PIP4K2A: variants seen among roughly 807,000 people sequenced by gnomAD.
PIP4K2A encodes phosphatidylinositol-5-phosphate 4-kinase type 2 alpha.
A neutral mutation model predicts 42.9 loss-of-function variants in PIP4K2A; 14 were observed. The observed-to-expected ratio is 0.33, with a 90% CI of 0.22 to 0.51. PIP4K2A has a LOEUF of 0.51. PIP4K2A is among the 20% of genes least tolerant of loss of function. The pLI, the probability that PIP4K2A is intolerant of heterozygous loss-of-function variation, is 0.97. For missense variants in PIP4K2A, 434 were observed against 519.8 expected, an observed-to-expected ratio of 0.83 and a Z score of 1.61; for synonymous variants, 192 against 192.2, an observed-to-expected ratio of 1.00 and a Z score of 0.01.
chr10:22,547,899 C>T (rs145581295), intron 7 of PIP4K2A, among the ~76,000 whole-genome samples: 45 of 152,282 alleles, frequency 3.0e-4, no homozygotes, highest in African/African-American at 1.0e-3. Context: ...AACAGGGCTG[C>T]TGTTACAGAA....
rs10681238 is a variant in PIP4K2A at position 22,596,205 on chromosome 10, C to CAAAAAAAAAAAAAAAAAAAA, written c.340-4444_340-4425dup. 4.4e-4 allele frequency among the ~76,000 whole-genome samples: 31 copies of CAAAAAAAAAAAAAAAAAAAA among 69,664 alleles called. 3 individuals are homozygous for CAAAAAAAAAAAAAAAAAAAA. The highest frequency in any genetic ancestry group is 1.8e-3 in the African/African-American group (28 of 15,802). The allele number at this position is 69,664 out of a possible 152,430, so 45.7% of individuals were successfully genotyped here. A position where few individuals can be genotyped will look rare whatever the true frequency, so the allele number is the denominator to read the frequency against. The stretch of plus-strand genomic sequence containing the variant: ...GGGCAACAAGAGCAAAACTCCGTCT[C>CAAAAAAAAAAAAAAAAAAAA]AAAAAAAAAAAAAAAAAAAAGGATT... On this transcript the variant is annotated intron_variant, in intron 3 of 9. Coordinates refer to ENST00000376573, the MANE Select transcript of PIP4K2A (RefSeq NM_005028.5).
At chr10:22,665,238 T>A (rs1839324008) in intron 1 of PIP4K2A, among the ~76,000 whole-genome samples, 1 of 152,210 alleles carries the variant, frequency 6.6e-6, no homozygotes, top group African/African-American at 2.4e-5. Context: ...GTATGTGTGA[T>A]GACAAAAGCA....
At chr10:22,609,574 T>C (rs1281528137) in intron 2 of PIP4K2A, 46 bp downstream of exon 2, 1 of 1,062,560 alleles carries the variant, frequency 9.4e-7, no homozygotes, top group African/African-American at 1.6e-5. Context: ...AAACTTGTAC[T>C]CCTAGCAGCC....
chr10:22,706,881 C>A (rs1718506730), intron 1 of PIP4K2A, among the ~76,000 whole-genome samples: 1 of 152,058 alleles, frequency 6.6e-6, no homozygotes, highest in African/African-American at 2.4e-5. Context: ...CAAAAATACA[C>A]AAGGATGCCA....
chr10:22,617,216 A>T (rs1393247594), intron 1 of PIP4K2A, among the ~76,000 whole-genome samples: 1 of 152,210 alleles, frequency 6.6e-6, no homozygotes, highest in African/African-American at 2.4e-5. Flanking sequence ...TGCAGATGTA[A>T]GACTAAATTC....
rs568789732 is a variant in PIP4K2A, at chr10:22,565,428, A to G, written c.678+2423T>C. On this transcript the variant is annotated intron_variant, in intron 6 of 9. Coordinates refer to ENST00000376573, the MANE Select transcript of PIP4K2A (RefSeq NM_005028.5). ...ATTTCTTATGCCTGTCTTTACTGCAATCTCTCAACATAAATTGTAAAGATT... is the reference window on the plus strand; with the variant it reads ...ATTTCTTATGCCTGTCTTTACTGCAGTCTCTCAACATAAATTGTAAAGATT... Among the ~76,000 whole-genome samples, 12 of 152,294 alleles carry G rather than the reference A, an allele frequency of 7.9e-5. No homozygotes were observed. In the East Asian group the frequency reaches 1.2e-3, roughly 15 times the overall value.
chr10:22,576,176 T>C (rs1394567895), intron 4 of PIP4K2A, among the ~76,000 whole-genome samples: 5 of 152,144 alleles, frequency 3.3e-5, no homozygotes, highest in African/African-American at 1.2e-4. Flanking sequence ...AATTTTGCAG[T>C]AGAGAAAATT....
intron 1 of PIP4K2A, among the ~76,000 whole-genome samples, chr10:22,704,924 C>T (rs2130922196): frequency 6.6e-6 from 1 of 152,188 alleles, no homozygotes; most frequent in South Asian, 2.1e-4. Context: ...ATTTAAATTG[C>T]CATATATAGC....
chr10:22,623,952 G>A (rs1222393675), intron 1 of PIP4K2A, among the ~76,000 whole-genome samples: 1 of 152,146 alleles, frequency 6.6e-6, no homozygotes, highest in African/African-American at 2.4e-5. Flanking sequence ...AAATGACTGG[G>A]AAGACTTTAT....
intron 1 of PIP4K2A, among the ~76,000 whole-genome samples, chr10:22,616,055 G>A (rs1838171112): frequency 6.6e-6 from 1 of 152,132 alleles, no homozygotes. Flanking sequence ...GCCCATGCTG[G>A]GGCTCCAAAG....
chr10:22,592,141 T>A (rs967238587), intron 3 of PIP4K2A, among the ~76,000 whole-genome samples: 1 of 152,222 alleles, frequency 6.6e-6, no homozygotes, highest in Admixed American at 6.5e-5. Context: ...AATTTTACAG[T>A]CACTGAGCAT....
rs1403760493 is a variant in PIP4K2A at position 22,567,794 on chromosome 10, T to C, written c.678+57A>G. Reference sequence around the variant, plus strand: ...GACTAGAAATAAAGAGTAAAGGTGATTGGGAGTATGTGATCATGCCCCCAG... The same window carrying C: ...GACTAGAAATAAAGAGTAAAGGTGACTGGGAGTATGTGATCATGCCCCCAG... On this transcript the variant is annotated intron_variant, in intron 6 of 9. Coordinates refer to ENST00000376573, the MANE Select transcript of PIP4K2A (RefSeq NM_005028.5). 19 of 1,366,296 alleles carry C rather than the reference T, an allele frequency of 1.4e-5. 1 individual carries two copies. The highest frequency in any genetic ancestry group is 4.6e-5 in the East Asian group (2 of 43,794). The allele number at this position is 1,366,296 out of a possible 1,614,324, so 84.6% of individuals were successfully genotyped here. A position where few individuals can be genotyped will look rare whatever the true frequency, so the allele number is the denominator to read the frequency against.
intron 1 of PIP4K2A, among the ~76,000 whole-genome samples, chr10:22,690,949 T>C (rs1839855646): frequency 6.6e-6 from 1 of 152,158 alleles, no homozygotes; most frequent in African/African-American, 2.4e-5. Context: ...TGAGCAAACA[T>C]TTCTACCACC....
chr10:22,553,682 C>G (rs910866340), intron 6 of PIP4K2A, among the ~76,000 whole-genome samples: 1 of 151,412 alleles, frequency 6.6e-6, no homozygotes, highest in East Asian at 2.0e-4. Flanking sequence ...GTGACAGATT[C>G]AAATAGTGGT....
chr10:22,589,466 GATTT>G (rs1417945137), intron 4 of PIP4K2A, among the ~76,000 whole-genome samples: 7 of 152,114 alleles, frequency 4.6e-5, no homozygotes, highest in African/African-American at 1.4e-4. Context: ...TATTATAAAA[GATTT>G]ATTAGATATT....
At chr10:22,544,618 T>C (rs1350123012) in intron 7 of PIP4K2A, among the ~76,000 whole-genome samples, 2 of 152,186 alleles carry the variant, frequency 1.3e-5, no homozygotes, top group African/African-American at 4.8e-5. Flanking sequence ...TGTGAAGTGG[T>C]AAAGGCTGAG....
intron 1 of PIP4K2A, among the ~76,000 whole-genome samples, chr10:22,617,041 C>T (rs1323407285): frequency 6.6e-6 from 1 of 152,164 alleles, no homozygotes; most frequent in East Asian, 1.9e-4. Context: ...TTATGTGGGC[C>T]TTTCCTTTTA....
chr10:22,704,344 G>A (rs1475564163), intron 1 of PIP4K2A, among the ~76,000 whole-genome samples: 2 of 152,122 alleles, frequency 1.3e-5, no homozygotes, highest in Admixed American at 6.5e-5. Flanking sequence ...TGCCAGTGAT[G>A]CTGACTTGAG....
At chr10:22,609,096 T>C (rs1244940439) in intron 2 of PIP4K2A, among the ~76,000 whole-genome samples, 1 of 152,244 alleles carries the variant, frequency 6.6e-6, no homozygotes, top group Non-Finnish European at 1.5e-5. Flanking sequence ...CCGTGTCTTC[T>C]ATATCATTGC....
Sources: allele counts gnomAD v4.1 joint callset (sites outside exome capture counted in the v4.1 genomes callset), GRCh38; gene constraint gnomAD v4.1.1; transcripts MANE v1.5; gene names NCBI Gene and HGNC (gene_info 2026-07-23, HGNC 2026-07-21).